RIC8B: variants seen among roughly 807,000 people sequenced by gnomAD.
The protein encoded by RIC8B is RIC8 guanine nucleotide exchange factor B.
In RIC8B, 16 loss-of-function variants were observed where a neutral mutation model predicts 57.5. The ratio of observed to expected loss-of-function variants is 0.28; its 90% CI spans 0.19 to 0.42. The LOEUF (loss-of-function observed/expected upper bound fraction) is 0.42. Ranked by LOEUF, RIC8B falls within the 10% of genes least tolerant of loss-of-function variation. The pLI is 1.00. For missense variants in RIC8B, 481 were observed against 677.0 expected, an observed-to-expected ratio of 0.71 and a Z score of 3.21; for synonymous variants, 216 against 250.8, an observed-to-expected ratio of 0.86 and a Z score of 1.31.
intron 4 of RIC8B, among the ~76,000 whole-genome samples, chr12:106,832,435 T>C (rs7137202): frequency 0.067 from 10,150 of 151,864 alleles, 524 homozygotes; most frequent in African/African-American, 0.14. Context: ...GGGCGGGTGG[T>C]GGGCACCTGT....
chr12:106,868,846 A>C (rs1950258824), intron 8 of RIC8B, among the ~76,000 whole-genome samples: 1 of 135,340 alleles, frequency 7.4e-6, no homozygotes, highest in Admixed American at 7.4e-5. Flanking sequence ...GTGAGGCCCA[A>C]GCTTTTTTTT....
Position 106,879,317 on chromosome 12 carries a change from C to A in RIC8B, c.1572-6587C>A, listed in dbSNP as rs528290231. On this transcript the variant is annotated intron_variant, in intron 9 of 9. Transcript: ENST00000392837. This position sits in a 1 kb window ranked among gnomAD's most constrained non-coding sequence, Gnocchi z 4.9. ...TCAAGTAAAGTGTTTTATACACATA[C>A]ACGTCTGACCTATTCTATATTGTGC... The A allele has an allele frequency of 1.0e-6, 1 of 985,168 alleles. No homozygotes were observed. The highest frequency in any genetic ancestry group is 6.2e-5 in the Admixed American group (1 of 16,244). The allele number at this position is 985,168 out of a possible 1,614,324, so 61.0% of individuals were successfully genotyped here.
intron 7 of RIC8B, among the ~76,000 whole-genome samples, chr12:106,856,554 A>G (rs1373022030): frequency 1.3e-5 from 2 of 152,180 alleles, no homozygotes; most frequent in East Asian, 3.8e-4. Context: ...CTTATCCTTG[A>G]AGACCAGCTT....
chr12:106,849,149 A>G (rs1307018638), intron 6 of RIC8B, among the ~76,000 whole-genome samples: 1 of 152,162 alleles, frequency 6.6e-6, no homozygotes, highest in Admixed American at 6.5e-5. Flanking sequence ...AACAGAAAGC[A>G]TAAATGGTGG....
chr12:106,817,557 C>T (rs1281164915), intron 3 of RIC8B, among the ~76,000 whole-genome samples: 5 of 152,032 alleles, frequency 3.3e-5, no homozygotes, highest in Admixed American at 6.5e-5. Context: ...TGGTGGCTCA[C>T]GCCTGTAATC....
intron 2 of RIC8B, among the ~76,000 whole-genome samples, chr12:106,785,949 T>C (rs2044000336): frequency 6.6e-6 from 1 of 151,530 alleles, no homozygotes; most frequent in African/African-American, 2.4e-5. Context: ...TGGGCTTAAG[T>C]GATCCTCCCG....
chr12:106,851,514 T>C lies in RIC8B; in HGVS notation c.1226T>C (p.Leu409Pro). The C allele has an allele frequency of 6.2e-7, 1 of 1,613,720 alleles. No homozygotes were observed. Among genetic ancestry groups the C allele is most frequent in the Non-Finnish European group, 8.5e-7 (1 of 1,179,886 alleles). ...PEVGSTVRNKLVRLMTHVDLG... is the reference protein window; with the variant it reads ...PEVGSTVRNKPVRLMTHVDLG... ...GTTGGCTCAACTGTGAGAAATAAGCTGGTGCGCCTCATGACACATGTTGAC... is the reference window on the plus strand; with the variant it reads ...GTTGGCTCAACTGTGAGAAATAAGCCGGTGCGCCTCATGACACATGTTGAC... The change falls in exon 7 of 10, where the codon CTG (leucine) becomes CCG (proline). Residue 409 changes from leucine (L) to proline (P), a missense_variant. Leu to Pro is a moderately conservative substitution (Grantham distance 98). This residue lies in a region of RIC8B where 421 missense variants were observed against 560.9 expected (regional missense o/e 0.75). Transcript: ENST00000392837.
Position 106,831,602 on chromosome 12 carries a change from A to G in RIC8B, c.836+5782A>G, listed in dbSNP as rs78361510. ...GAGAGAGCTTAAAGCCTTCAAATAC[A>G]TCTTAGCATGGCCATTGAAGCCTGA... is the stretch of plus-strand genomic sequence containing the variant. On this transcript the variant is annotated intron_variant, in intron 4 of 9. Transcript: ENST00000392837. Among the ~76,000 whole-genome samples, 426 of 152,352 alleles carry G rather than the reference A, an allele frequency of 2.8e-3. 3 individuals are homozygous for G. The highest frequency in any genetic ancestry group is 9.4e-3 in the African/African-American group (391 of 41,578).
intron 4 of RIC8B, among the ~76,000 whole-genome samples, chr12:106,827,920 G>T (rs1471916180): frequency 6.6e-6 from 1 of 152,070 alleles, no homozygotes; most frequent in Admixed American, 6.6e-5. Context: ...GACCAAAATT[G>T]CTATACTAGT....
chr12:106,843,228 G>A (rs547767952), intron 5 of RIC8B, among the ~76,000 whole-genome samples: 163 of 152,204 alleles, frequency 1.1e-3, no homozygotes, highest in African/African-American at 3.4e-3. Flanking sequence ...CCCATTTGTT[G>A]TGAGCTGTTT....
chr12:106,783,097 G>A (rs2043840387), intron 1 of RIC8B, among the ~76,000 whole-genome samples: 1 of 152,154 alleles, frequency 6.6e-6, no homozygotes, highest in Non-Finnish European at 1.5e-5. Flanking sequence ...CAGCTACAGA[G>A]TAGAAAATAT....
chr12:106,888,463 C>T lies in RIC8B; in HGVS notation c.*2448C>T, dbSNP rs1210189062. On this transcript the variant is annotated 3_prime_UTR_variant, in exon 10 of 10. Transcript: ENST00000392837. ...TTATGAAAGTTACCCCACGTCACAGCAAGGAAGAGTCCAACTCTGGTGGCC... is the reference window on the plus strand; with the variant it reads ...TTATGAAAGTTACCCCACGTCACAGTAAGGAAGAGTCCAACTCTGGTGGCC... The T allele has an allele frequency of 6.5e-6, 1 of 152,698 alleles. No homozygotes were observed. Among genetic ancestry groups the T allele is most frequent in the Non-Finnish European group, 1.5e-5 (1 of 68,098 alleles). 9.5% of individuals were successfully genotyped at this position (152,698 alleles called of 1,614,324 possible).
chr12:106,828,763 A>G (rs2046224755), intron 4 of RIC8B, among the ~76,000 whole-genome samples: 1 of 152,250 alleles, frequency 6.6e-6, no homozygotes, highest in African/African-American at 2.4e-5. Context: ...ACTGGATTTT[A>G]GAATATTTAG....
chr12:106,775,765 T>C (rs2136127389), intron 1 of RIC8B, among the ~76,000 whole-genome samples: 1 of 152,378 alleles, frequency 6.6e-6, no homozygotes, highest in South Asian at 2.1e-4. Context: ...ACCACACCTT[T>C]ATCCTTTGGT....
intron 1 of RIC8B, chr12:106,775,223 A>G (rs2043405879): frequency 1.9e-5 from 8 of 428,476 alleles, no homozygotes; most frequent in South Asian, 1.4e-4. Flanking sequence ...GGCCCTTGAC[A>G]TGCATCAAAT....
At position 106,853,320 on chromosome 12, in the gene RIC8B, A is replaced by T. The variant is rs1949555104; in HGVS notation, c.1306+1726A>T. ...ATAAGTGAATTTTGTTAACTTTTTAAATTTAAAATGGTTGGTTTTGCTCCC... is the reference window on the plus strand; with the variant it reads ...ATAAGTGAATTTTGTTAACTTTTTATATTTAAAATGGTTGGTTTTGCTCCC... On this transcript the variant is annotated intron_variant, in intron 7 of 9. Coordinates refer to ENST00000392837, the MANE Select transcript of RIC8B (RefSeq NM_001330145.2). 2.0e-5 allele frequency among the ~76,000 whole-genome samples: 3 copies of T among 151,866 alleles called. No homozygotes were observed. In the South Asian group the frequency reaches 6.2e-4, roughly 31 times the overall value.
At chr12:106,870,752 A>G (rs1165927223) in intron 8 of RIC8B, 71 bp from the exon 9 acceptor site, 1 of 1,255,968 alleles carries the variant, frequency 8.0e-7, no homozygotes, top group Non-Finnish European at 1.1e-6. Flanking sequence ...ATCACTTAAA[A>G]GTTGGACCAG....
intron 2 of RIC8B, among the ~76,000 whole-genome samples, chr12:106,790,101 A>T (rs1423997546): frequency 1.3e-4 from 20 of 152,190 alleles, no homozygotes; most frequent in Admixed American, 1.2e-3. Context: ...TCTTATGAAT[A>T]AGGAAACTGA....
chr12:106,870,609 T>A (rs919614202), intron 8 of RIC8B, among the ~76,000 whole-genome samples: 1 of 152,108 alleles, frequency 6.6e-6, no homozygotes, highest in Non-Finnish European at 1.5e-5. Flanking sequence ...CAGTTTTCGT[T>A]TTTTAAAAAA....
Sources: allele counts gnomAD v4.1 joint callset (sites outside exome capture counted in the v4.1 genomes callset), GRCh38; gene constraint gnomAD v4.1.1; regional missense constraint gnomAD v4.1.1; non-coding constraint Gnocchi (gnomAD v3.1); transcripts MANE v1.5; gene names NCBI Gene and HGNC (gene_info 2026-07-23, HGNC 2026-07-21).